SGCG: variants seen among roughly 807,000 people sequenced by gnomAD.
SGCG encodes the protein gamma-sarcoglycan.
In SGCG, 26 loss-of-function variants were observed where a neutral mutation model predicts 29.3. The observed-to-expected ratio is 0.89, with a 90% CI of 0.65 to 1.23. The LOEUF (loss-of-function observed/expected upper bound fraction) is 1.23. Among genes scored for constraint, SGCG ranks in the 50% most tolerant of loss-of-function variants. The pLI is 0.00. For synonymous variants in SGCG, 145 were observed against 129.7 expected (o/e 1.12, Z -0.80); for missense variants, 353 against 356.0 (o/e 0.99, Z 0.07).
intron 4 of SGCG, among the ~76,000 whole-genome samples, chr13:23,273,553 T>C (rs1014093425): frequency 1.3e-5 from 2 of 152,200 alleles, no homozygotes; most frequent in Non-Finnish European, 2.9e-5. Flanking sequence ...TTTACATGCA[T>C]GCCACAGATT....
At chr13:23,235,316 G>A (rs1024247694) in intron 3 of SGCG, among the ~76,000 whole-genome samples, 8 of 145,174 alleles carry the variant, frequency 5.5e-5, no homozygotes, top group Middle Eastern at 3.5e-3. Context: ...CCCAGATAGC[G>A]CCACTGCATT....
chr13:23,321,235 A>G (rs1459813653), intron 7 of SGCG, among the ~76,000 whole-genome samples: 1 of 152,198 alleles, frequency 6.6e-6, no homozygotes, highest in African/African-American at 2.4e-5. Context: ...GTCAACTACA[A>G]TAAAGATAAA....
chr13:23,202,229 C>T (rs989349628), intron 1 of SGCG, among the ~76,000 whole-genome samples: 3 of 152,010 alleles, frequency 2.0e-5, no homozygotes, highest in Non-Finnish European at 4.4e-5. Context: ...GTCACTGTGG[C>T]GAAAAGCCAT....
chr13:23,242,555 T>C (rs1452908932), intron 3 of SGCG, among the ~76,000 whole-genome samples: 1 of 152,210 alleles, frequency 6.6e-6, no homozygotes, highest in Non-Finnish European at 1.5e-5. Flanking sequence ...ACACAACAGC[T>C]GTATTCAAAC....
chr13:23,207,831 C>G (rs1004663254), intron 2 of SGCG, among the ~76,000 whole-genome samples: 1 of 152,064 alleles, frequency 6.6e-6, no homozygotes, highest in African/African-American at 2.4e-5. Context: ...GAAATTGGAA[C>G]CCTCGTGCAC....
the SGCG span, among the ~76,000 whole-genome samples, chr13:23,171,575 A>T: frequency 6.6e-6 from 1 of 152,224 alleles, no homozygotes; most frequent in Non-Finnish European, 1.5e-5. Context: ...GATCTAAGGC[A>T]GCAGTCCCCA....
chr13:23,250,760 A>C (rs760220756), intron 4 of SGCG, 43 bp downstream of exon 4: 1 of 1,079,642 alleles, frequency 9.3e-7, no homozygotes, highest in Non-Finnish European at 1.4e-6. Flanking sequence ...CATGTTGTCC[A>C]TGAATAGTGC....
chr13:23,279,549 A>T, intron 5 of SGCG, 71 bp downstream of exon 5: 1 of 1,472,484 alleles, frequency 6.8e-7, no homozygotes, highest in Non-Finnish European at 9.4e-7. Context: ...TGTACTATTG[A>T]CAAGTTTATG....
intron 2 of SGCG, among the ~76,000 whole-genome samples, chr13:23,222,214 T>A: frequency 6.6e-6 from 1 of 152,190 alleles, no homozygotes; most frequent in Non-Finnish European, 1.5e-5. Flanking sequence ...TAGTCTTAGG[T>A]ACACGTATTG....
intron 2 of SGCG, among the ~76,000 whole-genome samples, chr13:23,214,185 G>A (rs1402119412): frequency 2.6e-5 from 4 of 152,086 alleles, no homozygotes; most frequent in Admixed American, 2.6e-4. Flanking sequence ...CGTTCATCAT[G>A]GTTGCTTCCT....
At chr13:23,233,265 A>G (rs147435395) in intron 2 of SGCG, among the ~76,000 whole-genome samples, 3 of 152,310 alleles carry the variant, frequency 2.0e-5, no homozygotes, top group African/African-American at 7.2e-5. Flanking sequence ...GATATGCTAT[A>G]ACGTGAAAGA....
intron 2 of SGCG, 101 bp from the exon 3 acceptor site, chr13:23,234,510 G>A (rs1308121782): frequency 1.3e-6 from 1 of 797,168 alleles, no homozygotes; most frequent in Non-Finnish European, 2.2e-6. Flanking sequence ...AAAGGTGGTA[G>A]GCAATATATG....
intron 2 of SGCG, among the ~76,000 whole-genome samples, chr13:23,219,745 A>G (rs1022205536): frequency 2.7e-4 from 21 of 78,638 alleles, no homozygotes; most frequent in African/African-American, 7.9e-4. Flanking sequence ...AACATACACA[A>G]TTATTATTTT....
chr13:23,240,856 A>G (rs1034325902), intron 3 of SGCG, among the ~76,000 whole-genome samples: 1 of 152,166 alleles, frequency 6.6e-6, no homozygotes, highest in Non-Finnish European at 1.5e-5. Context: ...TGCCTATATT[A>G]AAAAAGAAGA....
chr13:23,208,988 A>C (rs61948484), intron 2 of SGCG, among the ~76,000 whole-genome samples: 8,513 of 152,120 alleles, frequency 0.056, 374 homozygotes, highest in Middle Eastern at 0.15. Flanking sequence ...CTTTGTTTGC[A>C]TATAAAATAT....
At chr13:23,241,334 T>C (rs1046162867) in intron 3 of SGCG, among the ~76,000 whole-genome samples, 1 of 136,884 alleles carries the variant, frequency 7.3e-6, no homozygotes, top group Non-Finnish European at 1.6e-5. Flanking sequence ...GAGGCTACCA[T>C]GAACAAGTAT....
At chr13:23,206,681 A>G (rs1475410804) in intron 2 of SGCG, among the ~76,000 whole-genome samples, 1 of 152,222 alleles carries the variant, frequency 6.6e-6, no homozygotes, top group Non-Finnish European at 1.5e-5. Flanking sequence ...ACAACAAACT[A>G]TCTGAAAAGG....
intron 5 of SGCG, among the ~76,000 whole-genome samples, chr13:23,284,071 C>T (rs971562434): frequency 1.3e-5 from 2 of 152,156 alleles, no homozygotes; most frequent in African/African-American, 4.8e-5. Flanking sequence ...GTGAATCTGA[C>T]AATTATGTGT....
chr13:23,324,817 G>A lies in SGCG; in HGVS notation c.*276G>A. On this transcript the variant is annotated 3_prime_UTR_variant, in exon 8 of 8. Transcript: ENST00000218867. ...ACCGGAACAATTGCGAATTCTCTCT[G>A]CCTCGCCTCCCCCTATCTTGTCCGT... 1 of 436,320 alleles carries A rather than the reference G, an allele frequency of 2.3e-6. No individual in the cohort carries two copies. Among genetic ancestry groups the A allele is most frequent in the Non-Finnish European group, 4.3e-6 (1 of 232,926 alleles). The allele number at this position is 436,320 out of a possible 1,614,324, so 27.0% of individuals were successfully genotyped here.
Sources: allele counts gnomAD v4.1 joint callset (sites outside exome capture counted in the v4.1 genomes callset), GRCh38; gene constraint gnomAD v4.1.1; transcripts MANE v1.5; gene names NCBI Gene and HGNC (gene_info 2026-07-23, HGNC 2026-07-21).